Variants in GSE1 observed in about 807,000 individuals in gnomAD.
GSE1 encodes the protein genetic suppressor element 1.
GSE1 carries 32 observed loss-of-function variants against 112.6 expected under a neutral mutation model. The ratio of observed to expected loss-of-function variants is 0.28; its 90% CI spans 0.21 to 0.38. The LOEUF is 0.38. Ranked by LOEUF, GSE1 falls within the 10% of genes least tolerant of loss-of-function variation. The probability of loss-of-function intolerance (pLI) is 1.00; values close to 1 mark genes in which losing one functional copy is unlikely to be tolerated. For synonymous variants in GSE1, 1,115 were observed against 735.6 expected (o/e 1.52, Z -8.35); for missense variants, 2,348 against 1,699.2 (o/e 1.38, Z -6.71).
At chr16:85,425,018 G>A (rs565849939) in intron 2 of GSE1, among the ~76,000 whole-genome samples, 1 of 152,382 alleles carries the variant, frequency 6.6e-6, no homozygotes, top group African/African-American at 2.4e-5. Flanking sequence ...CCAGGGTGGA[G>A]AGCAAGCTCC....
chr16:85,524,738 A>G (rs559827607), intron 2 of GSE1, among the ~76,000 whole-genome samples: 140 of 152,174 alleles, frequency 9.2e-4, no homozygotes, highest in African/African-American at 3.1e-3. Context: ...GGGCCAGTCA[A>G]CTTCCCCCGA....
intron 2 of GSE1, among the ~76,000 whole-genome samples, chr16:85,393,976 G>A (rs1026794252): frequency 2.6e-5 from 4 of 151,852 alleles, no homozygotes; most frequent in African/African-American, 9.7e-5. Flanking sequence ...TGGGGCCACG[G>A]TGGAGCGCGC....
At chr16:85,390,296 C>G (rs1382219649) in intron 2 of GSE1, among the ~76,000 whole-genome samples, 1 of 152,004 alleles carries the variant, frequency 6.6e-6, no homozygotes, top group Non-Finnish European at 1.5e-5. Context: ...GGTCATCACT[C>G]AAGTGACCAA....
intron 2 of GSE1, among the ~76,000 whole-genome samples, chr16:85,543,780 T>C (rs1054643567): frequency 2.6e-5 from 4 of 152,230 alleles, no homozygotes; most frequent in Non-Finnish European, 2.9e-5. Context: ...ATTTAGGCTA[T>C]GCGAGTGGTT....
intron 1 of GSE1, among the ~76,000 whole-genome samples, chr16:85,174,300 AGT>A (rs1411872432): frequency 6.6e-6 from 1 of 152,224 alleles, no homozygotes; most frequent in African/African-American, 2.4e-5. Context: ...CTTGAAAGAA[AGT>A]GGAACGGACT....
chr16:85,214,407 A>G (rs993521805), intron 1 of GSE1, among the ~76,000 whole-genome samples: 4 of 152,206 alleles, frequency 2.6e-5, no homozygotes, highest in African/African-American at 9.7e-5. Flanking sequence ...AGACGCAGAC[A>G]CAGGGTGCAG....
chr16:85,197,026 G>A (rs543682335), intron 1 of GSE1, among the ~76,000 whole-genome samples: 43 of 152,270 alleles, frequency 2.8e-4, no homozygotes, highest in African/African-American at 1.0e-3. Context: ...CAGGCCAGCC[G>A]CTTAACTTCT....
chr16:85,665,186 G>A (rs899487421), intron 12 of GSE1, 58 bp downstream of exon 12: 1 of 1,000,476 alleles, frequency 1.0e-6, no homozygotes, highest in Non-Finnish European at 1.6e-6. Flanking sequence ...GGCTGCCCAG[G>A]CTCAGAGGCG....
intron 2 of GSE1, chr16:85,463,046 G>A: frequency 1.8e-5 from 18 of 976,962 alleles, no homozygotes; most frequent in Non-Finnish European, 2.2e-5. Context: ...GCCCCTCCTA[G>A]AGGCCCCGGG....
At chr16:85,232,631 G>T (rs1042778487) in intron 1 of GSE1, among the ~76,000 whole-genome samples, 1 of 152,224 alleles carries the variant, frequency 6.6e-6, no homozygotes, top group Non-Finnish European at 1.5e-5. Flanking sequence ...AGGAGGAGGT[G>T]GCTTCCCCTC....
intron 3 of GSE1, among the ~76,000 whole-genome samples, chr16:85,649,817 T>TC: frequency 6.6e-6 from 1 of 152,036 alleles, no homozygotes; most frequent in Non-Finnish European, 1.5e-5. Context: ...AAGCTCCCTC[T>TC]CCCCCAGGGG....
chr16:85,523,501 T>A (rs750954693), intron 2 of GSE1, among the ~76,000 whole-genome samples: 12 of 151,384 alleles, frequency 7.9e-5, no homozygotes, highest in Non-Finnish European at 1.5e-4. Context: ...TCAGGGAGAG[T>A]CTCCAGGGAC....
intron 1 of GSE1, among the ~76,000 whole-genome samples, chr16:85,587,291 G>C (rs1249008937): frequency 6.6e-6 from 1 of 152,190 alleles, no homozygotes; most frequent in Admixed American, 6.5e-5. Context: ...ATTGCTAGCA[G>C]ATGGCGCTGG....
At chr16:85,281,880 C>G (rs1476688400) in intron 1 of GSE1, among the ~76,000 whole-genome samples, 1 of 152,158 alleles carries the variant, frequency 6.6e-6, no homozygotes, top group African/African-American at 2.4e-5. Context: ...CAGGACACGC[C>G]CACCACAGCA....
In GSE1 at chr16:85,661,486, A is replaced by C; in HGVS notation, c.1981A>C (p.Ser661Arg). The change falls in exon 9 of 16, where the codon AGC becomes CGC. Residue 661 changes from serine (S) to arginine (R), a missense_variant. By Grantham distance (110) the Ser-to-Arg change is moderately radical. Transcript: ENST00000253458. ...PPPPPPREGG[S>R]LEHQPFLPGP... ...TCCGCCGCCACCACGAGAGGGAGGG[A>C]GCCTGGAGCACCAGCCCTTCCTGCC... is the stretch of plus-strand genomic sequence containing the variant. 6.2e-7 allele frequency: 1 copy of C among 1,611,528 alleles called. No individual in the cohort carries two copies. The highest frequency in any genetic ancestry group is 8.5e-7 in the Non-Finnish European group (1 of 1,179,412).
Position 85,672,676 on chromosome 16 carries a change from A to G in GSE1, c.*137A>G, listed in dbSNP as rs2053445057. On this transcript the variant is annotated 3_prime_UTR_variant, in exon 16 of 16. Coordinates refer to ENST00000253458, the MANE Select transcript of GSE1 (RefSeq NM_014615.5). The stretch of plus-strand genomic sequence containing the variant: ...TGCCATGCATGAAGCAAAGGATTCC[A>G]GGCTCCAGAAAAAATGAATGAACTC... 1.1e-5 allele frequency: 6 copies of G among 548,902 alleles called. No homozygotes were observed. The South Asian group carries it at 1.6e-4, about 15-fold the overall frequency. The allele number at this position is 548,902 out of a possible 1,614,324, so 34.0% of individuals were successfully genotyped here. A position where few individuals can be genotyped will look rare whatever the true frequency, so the allele number is the denominator to read the frequency against.
chr16:85,585,677 G>T (rs1326919590), intron 1 of GSE1, among the ~76,000 whole-genome samples: 1 of 152,334 alleles, frequency 6.6e-6, no homozygotes, highest in African/African-American at 2.4e-5. Context: ...AACTCTTCCT[G>T]CATGGCCATG....
At chr16:85,671,614 C>T (rs1028045609) in intron 15 of GSE1, among the ~76,000 whole-genome samples, 2 of 152,066 alleles carry the variant, frequency 1.3e-5, no homozygotes, top group African/African-American at 4.8e-5. Flanking sequence ...ACCACTGTCT[C>T]CTGAAGGGGT....
At chr16:85,503,916 A>G (rs2051451166) in intron 2 of GSE1, among the ~76,000 whole-genome samples, 1 of 152,256 alleles carries the variant, frequency 6.6e-6, no homozygotes, top group Non-Finnish European at 1.5e-5. Flanking sequence ...GCGCTTAATT[A>G]GGACCGGCAG....
Sources: allele counts gnomAD v4.1 joint callset (sites outside exome capture counted in the v4.1 genomes callset), GRCh38; gene constraint gnomAD v4.1.1; transcripts MANE v1.5; gene names NCBI Gene and HGNC (gene_info 2026-07-23, HGNC 2026-07-21).